COX16: variants seen among roughly 807,000 people sequenced by gnomAD.
COX16 encodes cytochrome c oxidase assembly protein COX16 homolog, mitochondrial.
Under a neutral mutation model 15.4 loss-of-function variants are expected in COX16, and 12 were observed. That is an observed-to-expected ratio of 0.78 (90% CI 0.50 to 1.26). The LOEUF (loss-of-function observed/expected upper bound fraction) is 1.26. Ranked by LOEUF, COX16 falls within the 50% of genes most tolerant of loss-of-function variation. The pLI, the probability that COX16 is intolerant of heterozygous loss-of-function variation, is 0.00. For synonymous variants in COX16, 46 were observed against 41.1 expected, an observed-to-expected ratio of 1.12 and a Z score of -0.46; for missense variants, 124 against 127.6, an observed-to-expected ratio of 0.97 and a Z score of 0.14.
intron 3 of COX16, among the ~76,000 whole-genome samples, chr14:70,327,055 GAAAT>G (rs986960689): frequency 3.3e-5 from 5 of 152,118 alleles, no homozygotes; most frequent in Non-Finnish European, 7.4e-5. Flanking sequence ...TAAAAGGGAA[GAAAT>G]AAATGTTTCT....
chr14:70,357,158 CAAAAAAAAAAAAAAAAAAAA>C (rs4048531), intron 1 of COX16, among the ~76,000 whole-genome samples: 3 of 78,700 alleles, frequency 3.8e-5, no homozygotes, highest in South Asian at 4.3e-4. Flanking sequence ...AAGCGTTTGT[CAAAAAAAAAAAAAAAAAAAA>C]AAAAAAAAAA....
intron 1 of COX16, among the ~76,000 whole-genome samples, chr14:70,358,140 T>C (rs1262731607): frequency 1.3e-5 from 2 of 152,072 alleles, no homozygotes; most frequent in Non-Finnish European, 2.9e-5. Context: ...GTTGTATTAG[T>C]GTGTTAATAT....
intron 2 of COX16, among the ~76,000 whole-genome samples, chr14:70,336,113 G>A (rs12586831): frequency 0.028 from 4,218 of 152,100 alleles, 139 homozygotes; most frequent in East Asian, 0.17. Context: ...AAAATTAGCC[G>A]GGCGTGGTAG....
At chr14:70,342,998 T>C (rs919067620) in intron 1 of COX16, among the ~76,000 whole-genome samples, 9 of 152,178 alleles carry the variant, frequency 5.9e-5, no homozygotes, top group Admixed American at 2.0e-4. Flanking sequence ...ATAACAAGCA[T>C]TGTATTATCT....
intron 1 of COX16, among the ~76,000 whole-genome samples, chr14:70,354,484 T>G (rs933484969): frequency 6.6e-6 from 1 of 152,096 alleles, no homozygotes; most frequent in Non-Finnish European, 1.5e-5. Context: ...CAATCACCCA[T>G]GCCTATATAA....
At chr14:70,348,350 G>A (rs1431057245) in intron 1 of COX16, among the ~76,000 whole-genome samples, 4 of 152,068 alleles carry the variant, frequency 2.6e-5, no homozygotes, top group Non-Finnish European at 5.9e-5. Context: ...CCAAATCACC[G>A]TGCTAACCAG....
At chr14:70,355,877 G>T (rs566609362) in intron 1 of COX16, among the ~76,000 whole-genome samples, 16 of 152,206 alleles carry the variant, frequency 1.1e-4, no homozygotes, top group African/African-American at 3.9e-4. Flanking sequence ...TTGTGGTAAT[G>T]AGTGAGTTCT....
chr14:70,329,112 T>A (rs1370200742), intron 3 of COX16, 62 bp downstream of exon 3: 10 of 1,512,244 alleles, frequency 6.6e-6, no homozygotes, highest in Non-Finnish European at 8.9e-6. Context: ...ACTAATACTT[T>A]TAAGGCAGAT....
At chr14:70,335,594 C>A (rs1886425794) in intron 2 of COX16, among the ~76,000 whole-genome samples, 3 of 120,882 alleles carry the variant, frequency 2.5e-5, no homozygotes, top group Admixed American at 1.6e-4. Context: ...TCCTGAATGA[C>A]CAAAGAGTTA....
intron 1 of COX16, among the ~76,000 whole-genome samples, chr14:70,351,239 CACAG>C (rs1886945174): frequency 6.6e-6 from 1 of 152,126 alleles, no homozygotes; most frequent in Non-Finnish European, 1.5e-5. Context: ...CATGTATAAG[CACAG>C]ACATTTTAAA....
Position 70,329,255 on chromosome 14 carries a change from A to C in COX16, c.142-19T>G. The C allele has an allele frequency of 6.3e-7, 1 of 1,589,758 alleles. No individual in the cohort carries two copies. The highest frequency in any genetic ancestry group is 2.3e-5 in the East Asian group (1 of 44,302). The stretch of plus-strand genomic sequence containing the variant: ...GATCCATCTGTAGAAAAGGAAAAAA[A>C]GTAATAAGTTATCTAAGTCTGTTTG... On this transcript the variant is annotated intron_variant, in intron 2 of 3. Transcript: ENST00000389912.
At chr14:70,334,351 C>T (rs936538549) in intron 2 of COX16, among the ~76,000 whole-genome samples, 5 of 152,008 alleles carry the variant, frequency 3.3e-5, no homozygotes, top group African/African-American at 4.8e-5. Flanking sequence ...GGCAAAACCC[C>T]GTCTCTACTA....
In COX16 at chr14:70,358,371, A is replaced by ATTTT. The variant is rs34871293; in HGVS notation, c.69+1144_69+1147dup. On this transcript the variant is annotated intron_variant, in intron 1 of 3. Transcript: ENST00000389912. ...AATATCGAATTTGCTAAAAACAACA[A>ATTTT]TTTTTTTTTTTTTTTTTTTTTTTGG... is the stretch of plus-strand genomic sequence containing the variant. Among the ~76,000 whole-genome samples the ATTTT allele has an allele frequency of 3.2e-3, 305 of 93,968 alleles. 5 individuals carry two copies. The highest frequency in any genetic ancestry group is 3.7e-3 in the African/African-American group (89 of 24,158). 61.6% of individuals were successfully genotyped at this position (93,968 alleles called of 152,430 possible).
chr14:70,344,353 A>C (rs1017642030), intron 1 of COX16, among the ~76,000 whole-genome samples: 6 of 152,398 alleles, frequency 3.9e-5, no homozygotes, highest in Middle Eastern at 3.4e-3. Flanking sequence ...TTTCAGAGTC[A>C]AACCATGAAC....
At chr14:70,357,794 T>G (rs1317604807) in intron 1 of COX16, among the ~76,000 whole-genome samples, 1 of 152,134 alleles carries the variant, frequency 6.6e-6, no homozygotes, top group Non-Finnish European at 1.5e-5. Context: ...ATCTTGCTGG[T>G]GGGAATGTAA....
intron 1 of COX16, 43 bp downstream of exon 1, chr14:70,359,476 G>A: frequency 6.5e-7 from 1 of 1,545,958 alleles, no homozygotes; most frequent in Non-Finnish European, 8.9e-7. Flanking sequence ...TGCCAAGGAG[G>A]AGGGTCCCAC....
At chr14:70,346,631 C>G (rs182637287) in intron 1 of COX16, among the ~76,000 whole-genome samples, 1 of 152,348 alleles carries the variant, frequency 6.6e-6, no homozygotes, top group Non-Finnish European at 1.5e-5. Context: ...ACTACCATCG[C>G]TTCATCCGAG....
At chr14:70,346,755 C>G (rs1003953990) in intron 1 of COX16, among the ~76,000 whole-genome samples, 4 of 152,050 alleles carry the variant, frequency 2.6e-5, no homozygotes, top group African/African-American at 9.7e-5. Context: ...TCCCTTTTCT[C>G]CGTTGTGGGA....
At chr14:70,351,786 T>C (rs1297909393) in intron 1 of COX16, among the ~76,000 whole-genome samples, 1 of 152,228 alleles carries the variant, frequency 6.6e-6, no homozygotes, top group Admixed American at 6.5e-5. Flanking sequence ...ATGTCACAGC[T>C]TCAAGGTTTT....
Sources: gnomAD v4.1 joint callset for allele counts (sites outside exome capture counted in the v4.1 genomes callset) on GRCh38, gnomAD v4.1.1 for gene constraint, MANE v1.5 for transcripts, NCBI Gene and HGNC (gene_info 2026-07-23, HGNC 2026-07-21) for gene names.